Variants in ERBB3 observed in about 807,000 individuals in gnomAD.
ERBB3 encodes receptor tyrosine-protein kinase erbB-3.
ERBB3 carries 96 observed loss-of-function variants against 156.7 expected under a neutral mutation model. That is an observed-to-expected ratio of 0.61 (90% CI 0.52 to 0.73). The LOEUF is 0.73. ERBB3 is among the 30% of genes least tolerant of loss of function. ERBB3 has a pLI of 0.00. For missense variants in ERBB3, 1,406 were observed against 1,709.4 expected (o/e 0.82, Z 3.13); for synonymous variants, 567 against 632.0 (o/e 0.90, Z 1.54).
At chr12:56,082,143 G>A (rs990881075) in intron 1 of ERBB3, among the ~76,000 whole-genome samples, 5 of 152,176 alleles carry the variant, frequency 3.3e-5, no homozygotes, top group Non-Finnish European at 7.4e-5. Flanking sequence ...GATAGATGGG[G>A]CCACCTGAAA....
At chr12:56,100,111 G>T (rs777827950) in intron 25 of ERBB3, 63 bp from the exon 26 acceptor site, 52 of 1,587,504 alleles carry the variant, frequency 3.3e-5, no homozygotes, top group Admixed American at 5.0e-5. Context: ...CTACTCAAAG[G>T]CCCCCATGGT....
At chr12:56,090,397 T>C (rs891198280) in intron 9 of ERBB3, among the ~76,000 whole-genome samples, 2 of 152,062 alleles carry the variant, frequency 1.3e-5, no homozygotes, top group African/African-American at 4.8e-5. Flanking sequence ...TTTGGGAGGC[T>C]GAGGCAGGTG....
Position 56,101,677 on chromosome 12 carries a change from TGAG to T in ERBB3, c.3655_3657del (p.Glu1219del), listed in dbSNP as rs1869112788. 6.2e-7 allele frequency: 1 copy of T among 1,613,776 alleles called. No individual in the cohort carries two copies. The highest frequency in any genetic ancestry group is 1.3e-5 in the African/African-American group (1 of 74,806). On this transcript the variant is annotated inframe_deletion, in exon 28 of 28. Transcript: ENST00000267101. ...CTCATCCCCCTAGGCCAAGTTCCCT[TGAG>T]GAGCTGGGTTATGAGTACATGGATG...
At position 56,080,202 on chromosome 12, in the gene ERBB3, A is replaced by G; in HGVS notation, c.-99A>G. 1.0e-6 allele frequency: 1 copy of G among 963,824 alleles called. No individual in the cohort carries two copies. Among genetic ancestry groups the G allele is most frequent in the Non-Finnish European group, 1.6e-6 (1 of 620,726 alleles). 59.7% of individuals were successfully genotyped at this position (963,824 alleles called of 1,614,324 possible). ...CTCCGCTGCCGTCGCCGCAGCAGCC[A>G]CCAATTCGCCAGCGGTTCAGGTGGC... On this transcript the variant is annotated 5_prime_UTR_variant, in exon 1 of 28. Coordinates refer to ENST00000267101, the MANE Select transcript of ERBB3 (RefSeq NM_001982.4).
chr12:56,097,957 G>A lies in ERBB3; in HGVS notation c.2616+17G>A, dbSNP rs1317758721. 1 of 1,612,248 alleles carries A rather than the reference G, an allele frequency of 6.2e-7. No homozygotes were observed. Among genetic ancestry groups the A allele is most frequent in the Admixed American group, 1.7e-5 (1 of 59,980 alleles). ...GAGGCCAAGGTGAGGAGACACAAAG[G>A]GTAAGGAGGCGGGGGTGGAGTGAAG... On this transcript the variant is annotated intron_variant, in intron 21 of 27. Coordinates refer to ENST00000267101, the MANE Select transcript of ERBB3 (RefSeq NM_001982.4).
intron 23 of ERBB3, among the ~76,000 whole-genome samples, 186 bp from the exon 24 acceptor site, chr12:56,099,462 T>A (rs1379698167): frequency 2.1e-5 from 3 of 144,578 alleles, no homozygotes; most frequent in Non-Finnish European, 3.0e-5. Context: ...GCCCAGCTAA[T>A]TTTTTTTTGT....
chr12:56,098,879 T>A lies in ERBB3; in HGVS notation c.2813T>A (p.Ile938Asn), dbSNP rs774015628. 1 of 1,613,964 alleles carries A rather than the reference T, an allele frequency of 6.2e-7. No homozygotes were observed. Among genetic ancestry groups the A allele is most frequent in the Non-Finnish European group, 8.5e-7 (1 of 1,180,002 alleles). ...TTGGCACAGCCCCAGATCTGCACAATTGATGTCTACATGGTGATGGTCAAG... is the reference window on the plus strand; with the variant it reads ...TTGGCACAGCCCCAGATCTGCACAAATGATGTCTACATGGTGATGGTCAAG... ...ERLAQPQICT[I>N]DVYMVMVKCW... The change falls in exon 23 of 28, where the codon ATT becomes AAT. Residue 938 changes from isoleucine to asparagine, a missense_variant. This residue lies in a region of ERBB3 where 979 missense variants were observed against 1,219.6 expected (regional missense o/e 0.80). Transcript: ENST00000267101.
Position 56,084,829 on chromosome 12 carries a change from C to T in ERBB3, c.235-166C>T, listed in dbSNP as rs535186970. ...CACTATTGTACTCCAGCCTGGGCAACAAGAGCGTAACTCCGTCTCAAATTT... is the reference window on the plus strand; with the variant it reads ...CACTATTGTACTCCAGCCTGGGCAATAAGAGCGTAACTCCGTCTCAAATTT... On this transcript the variant is annotated intron_variant, in intron 2 of 27. Coordinates refer to ENST00000267101, the MANE Select transcript of ERBB3 (RefSeq NM_001982.4). Among the ~76,000 whole-genome samples, 4 of 151,620 alleles carry T rather than the reference C, an allele frequency of 2.6e-5. No homozygotes were observed. In the East Asian group the frequency reaches 7.7e-4, roughly 29 times the overall value.
Position 56,103,142 on chromosome 12 carries a change from C to G in ERBB3, c.*1087C>G, listed in dbSNP as rs1869182628. 1 of 230,992 alleles carries G rather than the reference C, an allele frequency of 4.3e-6. No homozygotes were observed. The highest frequency in any genetic ancestry group is 8.6e-6 in the Non-Finnish European group (1 of 116,426). The allele number at this position is 230,992 out of a possible 1,614,324, so 14.3% of individuals were successfully genotyped here. On this transcript the variant is annotated 3_prime_UTR_variant, in exon 28 of 28. Coordinates refer to ENST00000267101, the MANE Select transcript of ERBB3 (RefSeq NM_001982.4). ...ACTGTTTCTTGTTTTTGCACTGAAT[C>G]AAGTCTAACCCCAACAGCCACATCC...
rs1869075346 is a variant in ERBB3, at chr12:56,101,056, C to T, written c.3202-5C>T. 6.2e-7 allele frequency: 1 copy of T among 1,611,502 alleles called. No individual in the cohort carries two copies. The highest frequency in any genetic ancestry group is 1.3e-5 in the African/African-American group (1 of 74,576). On this transcript the variant is annotated splice_polypyrimidine_tract_variant and splice_region_variant and intron_variant, in intron 26 of 27. Coordinates refer to ENST00000267101, the MANE Select transcript of ERBB3 (RefSeq NM_001982.4). ...GCATTATTTTCTGTTTATTTTCTTC[C>T]TTAGGAGTCTGCAGTTTCTGGGAGC...
rs748856478 is a variant in ERBB3, at chr12:56,096,463, A to C, written c.2056-40A>C. 3 of 1,612,592 alleles carry C rather than the reference A, an allele frequency of 1.9e-6. No individual in the cohort carries two copies. The African/African-American group carries it at 4.0e-5, about 22-fold the overall frequency. Reference sequence around the variant, plus strand: ...GAGCGGGTTGGAGTGGGACATGGGAATGGCCTTTCCTGAGTAACTCCTTCC... The same window carrying C: ...GAGCGGGTTGGAGTGGGACATGGGACTGGCCTTTCCTGAGTAACTCCTTCC... On this transcript the variant is annotated intron_variant, in intron 17 of 27. Transcript: ENST00000267101.
rs2136791636 is a variant in ERBB3 at position 56,086,665 on chromosome 12, C to T, written c.547+9C>T. 1 of 1,613,860 alleles carries T rather than the reference C, an allele frequency of 6.2e-7. No individual in the cohort carries two copies. The highest frequency in any genetic ancestry group is 1.1e-5 in the South Asian group (1 of 91,072). ...GGACAATGGCAGAAGCTGTAAGTGG[C>T]CGTGATCAAGATTGCTCCCCAGTCC... On this transcript the variant is annotated intron_variant, in intron 4 of 27. Transcript: ENST00000267101.
chr12:56,100,143 T>A (rs1476264614), intron 25 of ERBB3, 31 bp from the exon 26 acceptor site: 1 of 1,607,054 alleles, frequency 6.2e-7, no homozygotes, highest in Non-Finnish European at 8.5e-7. Context: ...TCTCCCTTCA[T>A]CTTAACCTTT....
At chr12:56,083,359 GA>G (rs923739058) in intron 1 of ERBB3, 1 of 349,674 alleles carries the variant, frequency 2.9e-6, no homozygotes, top group Non-Finnish European at 5.6e-6. Context: ...TGAGGGTAGA[GA>G]AGTGAGTGCC....
intron 4 of ERBB3, among the ~76,000 whole-genome samples, chr12:56,087,060 C>T (rs887738511): frequency 1.3e-5 from 2 of 151,388 alleles, no homozygotes; most frequent in African/African-American, 4.9e-5. Flanking sequence ...TTGCTTGAGC[C>T]CAGGAGGCTG....
chr12:56,085,651 C>T, intron 3 of ERBB3: 1 of 191,974 alleles, frequency 5.2e-6, no homozygotes, highest in Non-Finnish European at 1.1e-5. Context: ...GTAATCCCAG[C>T]TGTTCATGAG....
chr12:56,094,326 C>G (rs1868822789), intron 14 of ERBB3, 76 bp from the exon 15 acceptor site: 2 of 1,560,596 alleles, frequency 1.3e-6, no homozygotes, highest in Non-Finnish European at 1.8e-6. Context: ...TCCTGAATGT[C>G]TGGGTTGGTC....
intron 9 of ERBB3, among the ~76,000 whole-genome samples, chr12:56,091,248 C>G (rs1404671598): frequency 2.7e-4 from 8 of 29,844 alleles, no homozygotes; most frequent in African/African-American, 1.3e-3. Context: ...AGGTGCATGC[C>G]ACCATGCTTG....
In ERBB3 at chr12:56,084,751, G is replaced by A. The variant is rs531574760; in HGVS notation, c.235-244G>A. Among the ~76,000 whole-genome samples the A allele has an allele frequency of 1.0e-3, 159 of 152,228 alleles. 1 individual carries two copies. The South Asian group carries it at 0.032, about 31-fold the overall frequency. ...TAATCCCAGCTACTTGGGAGGCTGC[G>A]GCAGGAGAATTGCTTGAACCCGGGA... is the stretch of plus-strand genomic sequence containing the variant. On this transcript the variant is annotated intron_variant, in intron 2 of 27. Transcript: ENST00000267101.
Sources: gnomAD v4.1 joint callset for allele counts (sites outside exome capture counted in the v4.1 genomes callset) on GRCh38, gnomAD v4.1.1 for gene constraint, gnomAD v4.1.1 regional missense constraint, MANE v1.5 for transcripts, NCBI Gene and HGNC (gene_info 2026-07-23, HGNC 2026-07-21) for gene names.